PSEN2: variants seen among roughly 807,000 people sequenced by gnomAD.
PSEN2 encodes the protein presenilin-2.
A neutral mutation model predicts 49.1 loss-of-function variants in PSEN2; 32 were observed. The observed-to-expected ratio is 0.65, with a 90% CI of 0.49 to 0.88. The LOEUF is 0.88. PSEN2 is among the 40% of genes least tolerant of loss of function. The pLI is 0.00. For missense variants in PSEN2, 522 were observed against 586.9 expected (o/e 0.89, Z 1.14); for synonymous variants, 255 against 244.0 (o/e 1.05, Z -0.42).
chr1:226,901,529 C>G (rs1250790141), downstream of PSEN2, among the ~76,000 whole-genome samples: 2 of 151,488 alleles, frequency 1.3e-5, no homozygotes, highest in Non-Finnish European at 2.9e-5. Context: ...TAAGACCAAT[C>G]TAGGCAACAT....
At chr1:226,891,591 G>A (rs1018984857) in intron 10 of PSEN2, 152 bp from the exon 11 acceptor site, 1 of 803,534 alleles carries the variant, frequency 1.2e-6, no homozygotes, top group Non-Finnish European at 2.1e-6. Context: ...GGTGGGTGGA[G>A]TGGGGGAAGC....
At chr1:226,902,853 C>A (rs1170248095) in intron 12 of PSEN2, among the ~76,000 whole-genome samples, 1 of 152,136 alleles carries the variant, frequency 6.6e-6, no homozygotes, top group Non-Finnish European at 1.5e-5. Context: ...GCCAGGAGAC[C>A]CCAATTGGCC....
Position 226,889,200 on chromosome 1 carries a change from TA to T in PSEN2, c.787+155del, listed in dbSNP as rs1661574464. The stretch of plus-strand genomic sequence containing the variant: ...ATCCCTCCTGAGAGAGTCGCCTTTG[TA>T]AAACAGAGGGGGGTCCACTATTTCT... On this transcript the variant is annotated intron_variant, in intron 8 of 12. Transcript: ENST00000366783. 5 of 697,926 alleles carry T rather than the reference TA, an allele frequency of 7.2e-6. No individual in the cohort carries two copies. In the East Asian group the frequency reaches 1.4e-4, roughly 19 times the overall value. The allele number at this position is 697,926 out of a possible 1,614,324, so 43.2% of individuals were successfully genotyped here.
At chr1:226,902,189 C>G (rs1662339995) in intron 12 of PSEN2, among the ~76,000 whole-genome samples, 1 of 152,162 alleles carries the variant, frequency 6.6e-6, no homozygotes, top group Non-Finnish European at 1.5e-5. Context: ...GAGTGTGCCA[C>G]TTAGATCCTT....
intron 12 of PSEN2, among the ~76,000 whole-genome samples, chr1:226,902,088 G>A (rs1662336641): frequency 6.6e-6 from 1 of 152,158 alleles, no homozygotes; most frequent in Non-Finnish European, 1.5e-5. Flanking sequence ...TGGTGTCATG[G>A]TAGACAGTTT....
At chr1:226,891,237 G>A (rs1423242159) in intron 9 of PSEN2, 41 bp from the exon 10 acceptor site, 1 of 1,590,432 alleles carries the variant, frequency 6.3e-7, no homozygotes, top group Non-Finnish European at 8.6e-7. Flanking sequence ...GGCAGCCACT[G>A]TTAGCACCGC....
chr1:226,891,764 T>C lies in PSEN2; in HGVS notation c.992T>C (p.Phe331Ser), dbSNP rs373934941. 3.1e-6 allele frequency: 5 copies of C among 1,614,092 alleles called. No individual in the cohort carries two copies. Among genetic ancestry groups the C allele is most frequent in the African/African-American group, 1.3e-5 (1 of 75,040 alleles). The change falls in exon 11 of 13, where the codon TTT (phenylalanine) becomes TCT (serine). Residue 331 changes from phenylalanine (F) to serine (S), a missense_variant. By Grantham distance (155) the Phe-to-Ser change is radical. Coordinates refer to ENST00000366783, the MANE Select transcript of PSEN2 (RefSeq NM_000447.3). ...CCAGAAGAAGACTCCTATGACAGTT[T>C]TGGGGAGCCTTCATACCCCGAAGTC... Reference protein sequence around the residue: ...PEMEEDSYDSFGEPSYPEVFE... With the variant: ...PEMEEDSYDSSGEPSYPEVFE...
intron 11 of PSEN2, among the ~76,000 whole-genome samples, chr1:226,892,687 G>T (rs1250569918): frequency 2.6e-5 from 4 of 152,122 alleles, no homozygotes; most frequent in Admixed American, 1.3e-4. Flanking sequence ...AGGCAGGCTT[G>T]GGGGAGGTAT....
Position 226,891,635 on chromosome 1 carries a change from C to T in PSEN2, c.971-108C>T, listed in dbSNP as rs1447178486. On this transcript the variant is annotated intron_variant, in intron 10 of 12. Coordinates refer to ENST00000366783, the MANE Select transcript of PSEN2 (RefSeq NM_000447.3). ...CAGGTGCTGGTGCTCAGGGGGACCC[C>T]TTCTTGGAGCTTTGTTCCCTGGTAA... 2.8e-6 allele frequency: 3 copies of T among 1,084,480 alleles called. No homozygotes were observed. The African/African-American group carries it at 4.7e-5, about 17-fold the overall frequency. The allele number at this position is 1,084,480 out of a possible 1,614,324, so 67.2% of individuals were successfully genotyped here.
chr1:226,897,457 T>A (rs972274563), downstream of PSEN2: 1 of 154,636 alleles, frequency 6.5e-6, no homozygotes, highest in Admixed American at 6.6e-5. Flanking sequence ...GGGTGAAGTG[T>A]TAAGACTGAG....
downstream of PSEN2, chr1:226,898,658 G>T (rs1466095162): frequency 6.6e-6 from 1 of 152,152 alleles, no homozygotes; most frequent in East Asian, 1.9e-4. Flanking sequence ...CTGTCGCCCA[G>T]GCTGGAGTGC....
chr1:226,884,594 T>A (rs1467310398), intron 5 of PSEN2: 1 of 152,174 alleles, frequency 6.6e-6, no homozygotes, highest in Admixed American at 6.5e-5. Context: ...TGTGTTGGTT[T>A]TTTTTGTTGT....
At chr1:226,888,404 G>T (rs995897630) in intron 7 of PSEN2, among the ~76,000 whole-genome samples, 5 of 152,140 alleles carry the variant, frequency 3.3e-5, no homozygotes, top group Non-Finnish European at 5.9e-5. Context: ...AACCCTTCAT[G>T]GAGAAGGCTC....
At chr1:226,891,423 A>C in intron 10 of PSEN2, 62 bp downstream of exon 10, 5 of 1,437,394 alleles carry the variant, frequency 3.5e-6, no homozygotes, top group Non-Finnish European at 4.8e-6. Context: ...ACCTGCACCC[A>C]GCTCTGCTCG....
chr1:226,890,215 G>A lies in PSEN2; in HGVS notation c.886+82G>A, dbSNP rs1661654608. ...GGACAGGGGCCTGCTTCCTGGCCGT[G>A]GCTTTCAGAGTTGACTGGGCGATCC... On this transcript the variant is annotated intron_variant, in intron 9 of 12. Coordinates refer to ENST00000366783, the MANE Select transcript of PSEN2 (RefSeq NM_000447.3). 10 of 1,209,834 alleles carry A rather than the reference G, an allele frequency of 8.3e-6. 1 individual carries two copies. Among genetic ancestry groups the A allele is most frequent in the South Asian group, 3.6e-5 (3 of 82,574 alleles). 74.9% of individuals were successfully genotyped at this position (1,209,834 alleles called of 1,614,324 possible). A position where few individuals can be genotyped will look rare whatever the true frequency, so the allele number is the denominator to read the frequency against.
downstream of PSEN2, among the ~76,000 whole-genome samples, chr1:226,900,221 G>T (rs1222248517): frequency 1.3e-5 from 2 of 152,130 alleles, no homozygotes; most frequent in African/African-American, 4.8e-5. Flanking sequence ...TGAGGGGAAG[G>T]TGATGGAGCT....
intron 3 of PSEN2, among the ~76,000 whole-genome samples, chr1:226,876,352 T>C (rs1660627802): frequency 6.6e-6 from 1 of 152,306 alleles, no homozygotes; most frequent in Middle Eastern, 3.4e-3. Context: ...TCAGAGGGGC[T>C]GAGGGACAAA....
chr1:226,871,129 T>TA (rs1660256999), intron 1 of PSEN2, 133 bp from the exon 2 acceptor site: 1 of 151,908 alleles, frequency 6.6e-6, no homozygotes, highest in Admixed American at 6.6e-5. Context: ...ATTCGGCCTC[T>TA]AGCACCGGGT....
downstream of PSEN2, chr1:226,899,263 T>G (rs1002691157): frequency 6.6e-6 from 1 of 152,236 alleles, no homozygotes; most frequent in Non-Finnish European, 1.5e-5. Flanking sequence ...CTGAAATGTA[T>G]TTTTATGATT....
Sources: gnomAD v4.1 joint callset for allele counts (sites outside exome capture counted in the v4.1 genomes callset) on GRCh38, gnomAD v4.1.1 for gene constraint, MANE v1.5 for transcripts, NCBI Gene and HGNC (gene_info 2026-07-23, HGNC 2026-07-21) for gene names.